PRUNE2: variants seen among roughly 807,000 people sequenced by gnomAD.
PRUNE2 encodes the protein prune homolog 2 with BCH domain.
A neutral mutation model predicts 252.0 loss-of-function variants in PRUNE2; 164 were observed. That is an observed-to-expected ratio of 0.65 (90% CI 0.57 to 0.74). PRUNE2 has a LOEUF of 0.74. Ranked by LOEUF, PRUNE2 falls within the 30% of genes least tolerant of loss-of-function variation. The pLI is 0.00. For synonymous variants in PRUNE2, 1,292 were observed against 1,350.2 expected, an observed-to-expected ratio of 0.96 and a Z score of 0.94; for missense variants, 3,495 against 3,711.0, an observed-to-expected ratio of 0.94 and a Z score of 1.51.
chr9:76,872,197 A>C (rs1443840577), intron 1 of PRUNE2, among the ~76,000 whole-genome samples: 1 of 152,108 alleles, frequency 6.6e-6, no homozygotes, highest in African/African-American at 2.4e-5. Flanking sequence ...GCATCGTCAC[A>C]GGCACATTCA....
rs750443357 is a variant in PRUNE2 at position 76,706,339 on chromosome 9, C to T, written c.5935G>A (p.Glu1979Lys). Residue 1979 changes from glutamate (E) to lysine (K), a missense_variant, in exon 8 of 19, where the codon GAA (glutamate) becomes AAA (lysine). Physicochemically the swap from Glu to Lys is moderately conservative, Grantham distance 56. Coordinates refer to ENST00000376718, the MANE Select transcript of PRUNE2 (RefSeq NM_015225.3). ...HPDTAFTHAE[E>K]NSCVTSNVST... Reference sequence around the variant, plus strand: ...ACATTAGATGTAACACAACTATTTTCCTCTGCGTGAGTAAAGGCTGTGTCC... The same window carrying T: ...ACATTAGATGTAACACAACTATTTTTCTCTGCGTGAGTAAAGGCTGTGTCC... 8 of 1,613,952 alleles carry T rather than the reference C, an allele frequency of 5.0e-6. No homozygotes were observed. Among genetic ancestry groups the T allele is most frequent in the South Asian group, 1.1e-5 (1 of 91,082 alleles).
rs1479492893 is a variant in PRUNE2, at chr9:76,706,618, G to T, written c.5656C>A (p.Pro1886Thr). The T allele has an allele frequency of 6.2e-7, 1 of 1,613,932 alleles. No homozygotes were observed. Among genetic ancestry groups the T allele is most frequent in the East Asian group, 2.2e-5 (1 of 44,864 alleles). Reference protein sequence around the residue: ...IEPVETHYTNPFSDNHQSPFL... With the variant: ...IEPVETHYTNTFSDNHQSPFL... ...GGTGACTGATGGTTGTCACTAAAAG[G>T]ATTAGTATAGTGTGTTTCCACGGGC... is the stretch of plus-strand genomic sequence containing the variant. The change falls in exon 8 of 19, where the codon CCT (proline) becomes ACT (threonine). Residue 1886 changes from proline (P) to threonine (T), a missense_variant. Coordinates refer to ENST00000376718, the MANE Select transcript of PRUNE2 (RefSeq NM_015225.3).
At chr9:76,826,908 T>G (rs1007766525) in intron 4 of PRUNE2, among the ~76,000 whole-genome samples, 176 bp from the exon 5 acceptor site, 8 of 152,142 alleles carry the variant, frequency 5.3e-5, no homozygotes, top group African/African-American at 1.9e-4. Context: ...AATTGAACCA[T>G]CATCCAGCTT....
chr9:76,806,362 G>T (rs921405419), intron 6 of PRUNE2, among the ~76,000 whole-genome samples: 1 of 152,072 alleles, frequency 6.6e-6, no homozygotes, highest in East Asian at 1.9e-4. Context: ...AAATGCTTTC[G>T]GATACACTGT....
chr9:76,803,470 T>G (rs1189477714), intron 6 of PRUNE2, among the ~76,000 whole-genome samples: 1 of 152,180 alleles, frequency 6.6e-6, no homozygotes, highest in Non-Finnish European at 1.5e-5. Context: ...AGGTAAAAAC[T>G]CAGCCAATCC....
At chr9:76,903,339 A>G (rs137936207) in intron 1 of PRUNE2, among the ~76,000 whole-genome samples, 344 of 152,184 alleles carry the variant, frequency 2.3e-3, no homozygotes, top group Middle Eastern at 0.014. Context: ...AATATATATA[A>G]TGCCCACAGA....
chr9:76,660,484 C>T (rs181133604), intron 9 of PRUNE2, among the ~76,000 whole-genome samples: 5 of 152,088 alleles, frequency 3.3e-5, no homozygotes, highest in Admixed American at 2.6e-4. Flanking sequence ...CCCTAGGGTT[C>T]CAAAAGAATC....
chr9:76,720,837 A>G (rs2047575641), intron 6 of PRUNE2, among the ~76,000 whole-genome samples: 1 of 144,822 alleles, frequency 6.9e-6, no homozygotes. Context: ...AAAGTTAAAT[A>G]TGAAGTAAAC....
At chr9:76,896,543 T>A (rs1418422981) in intron 1 of PRUNE2, among the ~76,000 whole-genome samples, 1 of 152,238 alleles carries the variant, frequency 6.6e-6, no homozygotes, top group African/African-American at 2.4e-5. Flanking sequence ...ACTTGCTTCC[T>A]TCTTGAATCC....
chr9:76,704,713 A>T lies in PRUNE2; in HGVS notation c.7513+48T>A, dbSNP rs775474434. The T allele has an allele frequency of 5.1e-4, 655 of 1,294,124 alleles. 3 individuals are homozygous for T. The highest frequency in any genetic ancestry group is 1.2e-3 in the Admixed American group (51 of 41,784). 80.2% of individuals were successfully genotyped at this position (1,294,124 alleles called of 1,614,324 possible). ...GTGTCTTACAAATATGCACTAGTTT[A>T]ATCAACGCAGCAGTTTCTTGGAAGT... On this transcript the variant is annotated intron_variant, in intron 8 of 18. Coordinates refer to ENST00000376718, the MANE Select transcript of PRUNE2 (RefSeq NM_015225.3).
chr9:76,840,158 A>G (rs116710618), intron 4 of PRUNE2, among the ~76,000 whole-genome samples: 1 of 138,268 alleles, frequency 7.2e-6, no homozygotes, highest in South Asian at 2.1e-4. Context: ...AAAGATAGCA[A>G]AAAAAGAGAA....
rs1044230357 is a variant in PRUNE2 at position 76,707,273 on chromosome 9, A to G, written c.5001T>C (p.His1667=). Residue 1667 remains histidine (H), a synonymous_variant, in exon 8 of 19, where the codon CAT becomes CAC. Coordinates refer to ENST00000376718, the MANE Select transcript of PRUNE2 (RefSeq NM_015225.3). ...LIASYQEKNE[H]DISATVQPED... is the part of the protein sequence containing the mutation. The stretch of plus-strand genomic sequence containing the variant: ...CTGGCTGCACAGTTGCAGAAATGTC[A>G]TGTTCATTTTTCTCCTGGTAGCTAG... 2 of 1,613,920 alleles carry G rather than the reference A, an allele frequency of 1.2e-6. No homozygotes were observed. Among genetic ancestry groups the G allele is most frequent in the Admixed American group, 1.7e-5 (1 of 60,018 alleles).
chr9:76,663,504 G>A (rs2039543599), intron 9 of PRUNE2, among the ~76,000 whole-genome samples: 2 of 151,364 alleles, frequency 1.3e-5, no homozygotes, highest in South Asian at 4.2e-4. Flanking sequence ...CCTTACCCAG[G>A]GTCAGATTCT....
intron 4 of PRUNE2, among the ~76,000 whole-genome samples, chr9:76,837,784 T>C (rs1025176385): frequency 3.3e-5 from 5 of 151,400 alleles, no homozygotes; most frequent in African/African-American, 7.3e-5. Flanking sequence ...TTTTTTTTTT[T>C]TTTTTGAGAC....
At chr9:76,774,647 T>C (rs1201898387) in intron 6 of PRUNE2, among the ~76,000 whole-genome samples, 1 of 151,714 alleles carries the variant, frequency 6.6e-6, no homozygotes, top group Non-Finnish European at 1.5e-5. Context: ...TTAGTAGAGA[T>C]GGGGTTTCAC....
intron 6 of PRUNE2, among the ~76,000 whole-genome samples, chr9:76,816,893 T>C (rs1429632390): frequency 1.3e-5 from 2 of 152,232 alleles, no homozygotes; most frequent in Non-Finnish European, 2.9e-5. Flanking sequence ...CTACACGATC[T>C]GTCCTATCCA....
At chr9:76,762,267 C>A (rs2051804507) in intron 6 of PRUNE2, among the ~76,000 whole-genome samples, 1 of 152,088 alleles carries the variant, frequency 6.6e-6, no homozygotes, top group Admixed American at 6.6e-5. Flanking sequence ...TAACTTTTTT[C>A]CAAATCTTTA....
At chr9:76,761,917 C>T (rs2130743588) in intron 6 of PRUNE2, among the ~76,000 whole-genome samples, 1 of 152,196 alleles carries the variant, frequency 6.6e-6, no homozygotes, top group East Asian at 1.9e-4. Context: ...AACTCTGTTC[C>T]AAATAATGCC....
Position 76,621,326 on chromosome 9 carries a change from G to A in PRUNE2, c.9189-1939C>T, listed in dbSNP as rs72730649. On this transcript the variant is annotated intron_variant, in intron 17 of 18. Transcript: ENST00000376718. ...CCTAGAATTCAGGGGCTACTTCAGAGGCTAAAAGGTAGTTGAAAAAATGTT... is the reference window on the plus strand; with the variant it reads ...CCTAGAATTCAGGGGCTACTTCAGAAGCTAAAAGGTAGTTGAAAAAATGTT... Among the ~76,000 whole-genome samples the A allele has an allele frequency of 2.3e-3, 357 of 152,298 alleles. 1 individual carries two copies. Among genetic ancestry groups the A allele is most frequent in the Middle Eastern group, 6.8e-3 (2 of 294 alleles).
Sources: allele counts gnomAD v4.1 joint callset (sites outside exome capture counted in the v4.1 genomes callset), GRCh38; gene constraint gnomAD v4.1.1; transcripts MANE v1.5; gene names NCBI Gene and HGNC (gene_info 2026-07-23, HGNC 2026-07-21).